Variants in PTPRT observed in about 807,000 individuals in gnomAD.
The protein encoded by PTPRT is receptor-type tyrosine-protein phosphatase T.
A neutral mutation model predicts 176.8 loss-of-function variants in PTPRT; 56 were observed. The observed-to-expected ratio is 0.32, with a 90% CI of 0.26 to 0.40. The LOEUF is 0.40. Ranked by LOEUF, PTPRT falls within the 10% of genes least tolerant of loss-of-function variation. The pLI is 1.00. For synonymous variants in PTPRT, 783 were observed against 739.0 expected, an observed-to-expected ratio of 1.06 and a Z score of -0.96; for missense variants, 1,540 against 1,908.2, an observed-to-expected ratio of 0.81 and a Z score of 3.60.
intron 6 of PTPRT, among the ~76,000 whole-genome samples, chr20:42,692,506 T>C (rs1252937751): frequency 6.6e-6 from 1 of 152,196 alleles, no homozygotes; most frequent in Non-Finnish European, 1.5e-5. Flanking sequence ...CCATTCATGA[T>C]AAAACTTTTA....
chr20:42,711,474 C>T (rs2076143883), intron 6 of PTPRT, among the ~76,000 whole-genome samples: 1 of 152,104 alleles, frequency 6.6e-6, no homozygotes, highest in South Asian at 2.1e-4. Flanking sequence ...CTCTCTCTTG[C>T]TCCATCTCTT....
chr20:42,715,731 C>A (rs1360804867), intron 6 of PTPRT, among the ~76,000 whole-genome samples: 1 of 152,074 alleles, frequency 6.6e-6, no homozygotes, highest in African/African-American at 2.4e-5. Context: ...AAGAGAGATA[C>A]CATATTCATG....
intron 26 of PTPRT, among the ~76,000 whole-genome samples, chr20:42,099,983 A>G (rs1392256774): frequency 6.6e-6 from 1 of 152,234 alleles, no homozygotes; most frequent in East Asian, 1.9e-4. Flanking sequence ...TGAGGCTTTG[A>G]GAGTTAACAG....
intron 1 of PTPRT, among the ~76,000 whole-genome samples, chr20:43,007,926 T>C (rs979694457): frequency 7.9e-5 from 12 of 152,214 alleles, no homozygotes; most frequent in Non-Finnish European, 1.2e-4. Context: ...TAGAACCCTC[T>C]ATGAGTGTGA....
chr20:43,083,320 GTATATATATATATATATATATATA>G (rs779087395), intron 1 of PTPRT, among the ~76,000 whole-genome samples: 29 of 37,388 alleles, frequency 7.8e-4, no homozygotes, highest in South Asian at 2.8e-3. Context: ...CACTTCAAAT[GTATATATATATATATATATATATA>G]TATATATATA....
At chr20:42,937,347 C>T (rs1463410819) in intron 1 of PTPRT, among the ~76,000 whole-genome samples, 1 of 152,158 alleles carries the variant, frequency 6.6e-6, no homozygotes, top group African/African-American at 2.4e-5. Context: ...GTCATCTTTC[C>T]CACGTGTGCC....
chr20:43,146,644 C>G (rs1301436664), intron 1 of PTPRT, among the ~76,000 whole-genome samples: 1 of 152,080 alleles, frequency 6.6e-6, no homozygotes, highest in African/African-American at 2.4e-5. Context: ...ATGAAAAAGA[C>G]TGTCTGGGGG....
At chr20:43,173,584 GTGTTTTCCTAAACTGC>G (rs1363689433) in intron 1 of PTPRT, among the ~76,000 whole-genome samples, 1 of 152,254 alleles carries the variant, frequency 6.6e-6, no homozygotes, top group Non-Finnish European at 1.5e-5. Flanking sequence ...CCAGCCAGAA[GTGTTTTCCTAAACTGC>G]TGTGCTTGCG....
At chr20:42,673,431 C>T (rs2075446322) in intron 7 of PTPRT, among the ~76,000 whole-genome samples, 1 of 152,202 alleles carries the variant, frequency 6.6e-6, no homozygotes, top group African/African-American at 2.4e-5. Context: ...TGAGAATGTG[C>T]ATTTCTAACA....
chr20:42,299,707 GC>G (rs2057433389), intron 12 of PTPRT, among the ~76,000 whole-genome samples: 1 of 136,078 alleles, frequency 7.3e-6, no homozygotes, highest in African/African-American at 2.8e-5. Context: ...GAGTGCAGTG[GC>G]GCTATCTCAT....
chr20:42,877,911 A>G (rs977019025), intron 2 of PTPRT, among the ~76,000 whole-genome samples: 3 of 152,170 alleles, frequency 2.0e-5, no homozygotes, highest in African/African-American at 7.2e-5. Flanking sequence ...GGGACCATCG[A>G]CAGTGCCTGG....
intron 6 of PTPRT, among the ~76,000 whole-genome samples, chr20:42,739,170 G>A (rs114791197): frequency 2.1e-3 from 319 of 152,272 alleles, no homozygotes; most frequent in African/African-American, 7.2e-3. Flanking sequence ...GTGCAGGCTC[G>A]ACCCCTGCAC....
At chr20:42,441,945 T>G (rs2059320217) in intron 9 of PTPRT, among the ~76,000 whole-genome samples, 1 of 152,216 alleles carries the variant, frequency 6.6e-6, no homozygotes, top group African/African-American at 2.4e-5. Flanking sequence ...TTAGTCACAA[T>G]CCAGCTGATT....
intron 7 of PTPRT, among the ~76,000 whole-genome samples, chr20:42,649,030 A>G (rs1400184966): frequency 6.6e-6 from 1 of 151,940 alleles, no homozygotes; most frequent in Admixed American, 6.6e-5. Flanking sequence ...CGTGTTAGCC[A>G]GGATGGTCTC....
intron 27 of PTPRT, among the ~76,000 whole-genome samples, chr20:42,094,459 T>A (rs1051569273): frequency 6.6e-6 from 1 of 152,200 alleles, no homozygotes; most frequent in African/African-American, 2.4e-5. Context: ...TCTTACTCTG[T>A]CGCCCTAGGC....
chr20:43,001,381 T>G (rs181608072), intron 1 of PTPRT, among the ~76,000 whole-genome samples: 1 of 152,138 alleles, frequency 6.6e-6, no homozygotes, highest in South Asian at 2.1e-4. Flanking sequence ...AACTTTTTAA[T>G]TGTTAAACTT....
chr20:42,774,751 C>G (rs1363535600), intron 4 of PTPRT, among the ~76,000 whole-genome samples: 1 of 152,224 alleles, frequency 6.6e-6, no homozygotes, highest in African/African-American at 2.4e-5. Context: ...GTACAGTTCC[C>G]AGCACAGGAG....
At chr20:42,131,965 G>A (rs763193530) in intron 18 of PTPRT, among the ~76,000 whole-genome samples, 2 of 152,168 alleles carry the variant, frequency 1.3e-5, no homozygotes, top group African/African-American at 2.4e-5. Flanking sequence ...GGAAAACAGA[G>A]TGTGAGGGGA....
intron 9 of PTPRT, among the ~76,000 whole-genome samples, chr20:42,390,800 C>G (rs998990190): frequency 1.3e-5 from 2 of 152,168 alleles, no homozygotes; most frequent in Non-Finnish European, 2.9e-5. Context: ...CTCTCACAAA[C>G]TGTTTAAGAT....
Sources: gnomAD v4.1 joint callset for allele counts (sites outside exome capture counted in the v4.1 genomes callset) on GRCh38, gnomAD v4.1.1 for gene constraint, MANE v1.5 for transcripts, NCBI Gene and HGNC (gene_info 2026-07-23, HGNC 2026-07-21) for gene names.